Variants in TXNDC16 observed in about 807,000 individuals in gnomAD.
The protein encoded by TXNDC16 is thioredoxin domain-containing protein 16.
TXNDC16 carries 74 observed loss-of-function variants against 85.6 expected under a neutral mutation model. That is an observed-to-expected ratio of 0.86 (90% CI 0.72 to 1.05). TXNDC16 has a LOEUF of 1.05. Ranked by LOEUF, TXNDC16 falls within the 50% of genes least tolerant of loss-of-function variation. TXNDC16 has a pLI of 0.00. For missense variants in TXNDC16, 959 were observed against 947.0 expected (o/e 1.01, Z -0.17); for synonymous variants, 335 against 326.5 (o/e 1.03, Z -0.28).
intron 14 of TXNDC16, among the ~76,000 whole-genome samples, chr14:52,474,885 C>T (rs1330415833): frequency 6.6e-6 from 1 of 152,112 alleles, no homozygotes; most frequent in Non-Finnish European, 1.5e-5. Context: ...ACTTTTGCTC[C>T]AAAACTGCAG....
chr14:52,490,295 T>G (rs2036369917), intron 11 of TXNDC16, 96 bp downstream of exon 11: 1 of 824,450 alleles, frequency 1.2e-6, no homozygotes, highest in Middle Eastern at 3.8e-4. Flanking sequence ...ATTTATAATT[T>G]ACAGATTTTT....
chr14:52,543,015 A>C (rs1442026990), intron 3 of TXNDC16, among the ~76,000 whole-genome samples: 2 of 152,224 alleles, frequency 1.3e-5, no homozygotes, highest in Admixed American at 1.3e-4. Context: ...ATTACATTTA[A>C]AGTTGTAAAA....
At chr14:52,469,768 G>A (rs1448061115) in intron 16 of TXNDC16, among the ~76,000 whole-genome samples, 4 of 151,842 alleles carry the variant, frequency 2.6e-5, no homozygotes, top group Admixed American at 1.3e-4. Flanking sequence ...CAAAAAAAAC[G>A]CAAGATTCTA....
intron 9 of TXNDC16, among the ~76,000 whole-genome samples, chr14:52,509,718 C>T (rs1040346192): frequency 6.6e-6 from 1 of 151,638 alleles, no homozygotes; most frequent in African/African-American, 2.4e-5. Context: ...GTGGCTCACG[C>T]ATGTAATCCC....
At chr14:52,496,418 C>CTTTT in intron 9 of TXNDC16, among the ~76,000 whole-genome samples, 1 of 130,220 alleles carries the variant, frequency 7.7e-6, no homozygotes. Flanking sequence ...TCCAACTCGT[C>CTTTT]TTTTTTTTTT....
At chr14:52,522,966 T>A (rs1370891361) in intron 6 of TXNDC16, among the ~76,000 whole-genome samples, 1 of 152,210 alleles carries the variant, frequency 6.6e-6, no homozygotes, top group African/African-American at 2.4e-5. Flanking sequence ...CATTAAGTAG[T>A]CATTATCCAT....
intron 4 of TXNDC16, among the ~76,000 whole-genome samples, chr14:52,540,961 T>G (rs1011932399): frequency 3.9e-5 from 6 of 151,952 alleles, no homozygotes; most frequent in Non-Finnish European, 8.8e-5. Context: ...TCAGGCCGGG[T>G]GCAGTGGCTC....
intron 14 of TXNDC16, among the ~76,000 whole-genome samples, chr14:52,472,373 A>G (rs534111618): frequency 3.0e-4 from 45 of 151,762 alleles, no homozygotes; most frequent in African/African-American, 9.9e-4. Context: ...AATTTTTTCT[A>G]TCTTTAGTAG....
chr14:52,508,551 C>A (rs150168120), intron 9 of TXNDC16, among the ~76,000 whole-genome samples: 5,126 of 152,252 alleles, frequency 0.034, 258 homozygotes, highest in African/African-American at 0.12. Context: ...TTTGACCCAG[C>A]AATCCCATTA....
intron 4 of TXNDC16, among the ~76,000 whole-genome samples, chr14:52,541,341 C>T (rs919210279): frequency 6.6e-6 from 1 of 152,078 alleles, no homozygotes; most frequent in Non-Finnish European, 1.5e-5. Context: ...TAGTTATTAG[C>T]GACAGTCTAC....
chr14:52,481,183 A>T (rs929620920), intron 14 of TXNDC16, among the ~76,000 whole-genome samples: 2 of 151,558 alleles, frequency 1.3e-5, no homozygotes, highest in Admixed American at 6.6e-5. Flanking sequence ...GACTGTGGGG[A>T]CTCAAGGGGA....
intron 6 of TXNDC16, among the ~76,000 whole-genome samples, chr14:52,528,830 G>T (rs1594755406): frequency 7.9e-6 from 1 of 126,570 alleles, no homozygotes; most frequent in Admixed American, 7.8e-5. Flanking sequence ...ATTATACCTA[G>T]GTATATATAT....
chr14:52,521,646 G>A (rs1332366412), intron 6 of TXNDC16, among the ~76,000 whole-genome samples: 1 of 152,004 alleles, frequency 6.6e-6, no homozygotes, highest in African/African-American at 2.4e-5. Flanking sequence ...AAATTATGCT[G>A]GCTTAAATAT....
chr14:52,500,971 G>T (rs1350230272), intron 9 of TXNDC16, among the ~76,000 whole-genome samples: 3 of 152,106 alleles, frequency 2.0e-5, no homozygotes, highest in Admixed American at 2.0e-4. Flanking sequence ...AATCCATCAT[G>T]GAGAAAATCA....
chr14:52,470,707 T>A (rs749040225), intron 14 of TXNDC16, 27 bp from the exon 15 acceptor site: 4 of 1,566,484 alleles, frequency 2.6e-6, no homozygotes, highest in Non-Finnish European at 2.6e-6. Context: ...TGCACATTTG[T>A]AATTACTAAT....
At chr14:52,441,681 T>C (rs1239825709) in intron 18 of TXNDC16, among the ~76,000 whole-genome samples, 1 of 152,060 alleles carries the variant, frequency 6.6e-6, no homozygotes, top group African/African-American at 2.4e-5. Context: ...GCCCATGCTA[T>C]GCACATTAAA....
rs1446483463 is a variant in TXNDC16 at position 52,490,395 on chromosome 14, TCTG to T, written c.977_979del (p.Ala326del). 6.3e-7 allele frequency: 1 copy of T among 1,595,956 alleles called. No individual in the cohort carries two copies. Among genetic ancestry groups the T allele is most frequent in the Admixed American group, 1.8e-5 (1 of 56,182 alleles). On this transcript the variant is annotated inframe_deletion, in exon 11 of 21. Coordinates refer to ENST00000281741, the MANE Select transcript of TXNDC16 (RefSeq NM_020784.3). ...ACAATACATAAAACAACTAACCTCT[TCTG>T]CTCTTTTGAAGACCACATTAGCATC...
At chr14:52,493,216 T>TAC (rs35747449) in intron 9 of TXNDC16, among the ~76,000 whole-genome samples, 1,636 of 115,894 alleles carry the variant, frequency 0.014, 20 homozygotes, top group South Asian at 0.033. Flanking sequence ...TATATATATA[T>TAC]ACACACACAC....
At chr14:52,452,085 A>G (rs998515886) in intron 18 of TXNDC16, among the ~76,000 whole-genome samples, 1 of 152,186 alleles carries the variant, frequency 6.6e-6, no homozygotes, top group African/African-American at 2.4e-5. Flanking sequence ...CCTATTTACA[A>G]TAGCCACAAG....
Sources: gnomAD v4.1 joint callset for allele counts (sites outside exome capture counted in the v4.1 genomes callset) on GRCh38, gnomAD v4.1.1 for gene constraint, MANE v1.5 for transcripts, NCBI Gene and HGNC (gene_info 2026-07-23, HGNC 2026-07-21) for gene names.